Variants in STX8 observed in about 807,000 individuals in gnomAD.
STX8 encodes the protein syntaxin 8, also known as syntaxin-8.
In STX8, 23 loss-of-function variants were observed where a neutral mutation model predicts 37.5. The observed-to-expected ratio is 0.61, with a 90% confidence interval of 0.44 to 0.87. The LOEUF is 0.87. STX8 is among the 40% of genes least tolerant of loss of function. STX8 has a pLI of 0.00. For synonymous variants in STX8, 115 were observed against 99.1 expected (o/e 1.16, Z -0.95); for missense variants, 313 against 284.7 (o/e 1.10, Z -0.71).
intron 6 of STX8, among the ~76,000 whole-genome samples, chr17:9,450,563 T>G (rs1273571336): frequency 6.6e-6 from 1 of 151,970 alleles, no homozygotes; most frequent in Non-Finnish European, 1.5e-5. Context: ...GCCTCCCTAG[T>G]AGCTGCGAAG....
At chr17:9,444,563 G>C (rs1218916828) in intron 6 of STX8, among the ~76,000 whole-genome samples, 1 of 152,170 alleles carries the variant, frequency 6.6e-6, no homozygotes, top group African/African-American at 2.4e-5. Context: ...CTTGAGCTTG[G>C]AGAAGTCAGC....
At chr17:9,402,889 G>A (rs892861272) in intron 6 of STX8, among the ~76,000 whole-genome samples, 2 of 152,154 alleles carry the variant, frequency 1.3e-5, no homozygotes, top group Admixed American at 6.5e-5. Flanking sequence ...CAGTGACTAT[G>A]GATACGGAGA....
chr17:9,430,050 ATTCTATATAATAT>A (rs1913884345), intron 6 of STX8, among the ~76,000 whole-genome samples: 1 of 50,030 alleles, frequency 2.0e-5, no homozygotes, highest in Admixed American at 3.6e-4. Context: ...GAATATATAT[ATTCTATATAATAT>A]ATATATTCTA....
intron 5 of STX8, among the ~76,000 whole-genome samples, chr17:9,494,229 A>G (rs927468684): frequency 2.6e-5 from 4 of 151,552 alleles, no homozygotes; most frequent in African/African-American, 9.7e-5. Context: ...GTTAGCCAGG[A>G]TGGTCTCGAG....
At chr17:9,362,097 G>A (rs905981941) in intron 7 of STX8, among the ~76,000 whole-genome samples, 1 of 152,184 alleles carries the variant, frequency 6.6e-6, no homozygotes, top group African/African-American at 2.4e-5. Context: ...TTGGGAGGCT[G>A]AAGTGGGCAG....
intron 5 of STX8, among the ~76,000 whole-genome samples, chr17:9,500,691 A>T (rs945920642): frequency 3.3e-5 from 5 of 152,224 alleles, no homozygotes; most frequent in African/African-American, 1.2e-4. Context: ...TTGATATTTT[A>T]AAAATGCTAC....
At chr17:9,289,697 A>G (rs1241747877) in intron 7 of STX8, among the ~76,000 whole-genome samples, 4 of 151,808 alleles carry the variant, frequency 2.6e-5, no homozygotes, top group African/African-American at 7.3e-5. Context: ...GGAGAATGGC[A>G]TGAACCCGGG....
chr17:9,437,104 C>G (rs1904459879), intron 6 of STX8, among the ~76,000 whole-genome samples: 1 of 152,214 alleles, frequency 6.6e-6, no homozygotes, highest in African/African-American at 2.4e-5. Flanking sequence ...ACTATAAGCA[C>G]TCACTGAATT....
At chr17:9,456,265 G>T (rs77792754) in intron 6 of STX8, among the ~76,000 whole-genome samples, 2,212 of 152,246 alleles carry the variant, frequency 0.015, 48 homozygotes, top group African/African-American at 0.05. Flanking sequence ...GTGTATTTGG[G>T]GGGTGGCAGA....
chr17:9,365,310 A>G (rs542405483), intron 7 of STX8, among the ~76,000 whole-genome samples: 1 of 152,382 alleles, frequency 6.6e-6, no homozygotes, highest in South Asian at 2.1e-4. Flanking sequence ...TCTGCCGTTG[A>G]CGGCTCTAGT....
chr17:9,482,249 A>ATT (rs148086656), intron 6 of STX8, among the ~76,000 whole-genome samples: 2 of 150,052 alleles, frequency 1.3e-5, no homozygotes, highest in African/African-American at 4.9e-5. Context: ...CACCTACAGA[A>ATT]TTTTTTTTTT....
chr17:9,499,553 G>A (rs1366101685), intron 5 of STX8, among the ~76,000 whole-genome samples: 4 of 151,978 alleles, frequency 2.6e-5, no homozygotes, highest in Non-Finnish European at 5.9e-5. Flanking sequence ...CGCCCGCCAC[G>A]GACGCCCAGC....
intron 7 of STX8, among the ~76,000 whole-genome samples, chr17:9,336,406 C>CCTTTCCTTCCCCTT (rs1273516848): frequency 6.6e-6 from 1 of 151,474 alleles, no homozygotes; most frequent in Non-Finnish European, 1.5e-5. Context: ...TCCCCTTCCT[C>CCTTTCCTTCCCCTT]CCTTCCTTCC....
chr17:9,316,611 T>C (rs1909389849), intron 7 of STX8, among the ~76,000 whole-genome samples: 1 of 152,188 alleles, frequency 6.6e-6, no homozygotes, highest in Non-Finnish European at 1.5e-5. Flanking sequence ...TACCCATACC[T>C]TACCCTGTGC....
At chr17:9,306,149 GC>G (rs1908976722) in intron 7 of STX8, among the ~76,000 whole-genome samples, 1 of 152,020 alleles carries the variant, frequency 6.6e-6, no homozygotes, top group Admixed American at 6.6e-5. Context: ...ACAATATTCT[GC>G]ATAGTAATAC....
intron 6 of STX8, among the ~76,000 whole-genome samples, chr17:9,442,440 C>T (rs1430395394): frequency 6.6e-6 from 1 of 152,186 alleles, no homozygotes; most frequent in Non-Finnish European, 1.5e-5. Flanking sequence ...CTCTGTCACC[C>T]AGGCTGGAGT....
intron 1 of STX8, 44 bp downstream of exon 1, chr17:9,575,748 C>A: frequency 6.5e-7 from 1 of 1,545,734 alleles, no homozygotes; most frequent in Non-Finnish European, 8.7e-7. Flanking sequence ...GCCCGGCCTC[C>A]CCGAAGGTCC....
chr17:9,545,879 GC>G (rs1906487730), intron 3 of STX8, among the ~76,000 whole-genome samples: 1 of 152,188 alleles, frequency 6.6e-6, no homozygotes, highest in Non-Finnish European at 1.5e-5. Flanking sequence ...ACCACGCCCA[GC>G]CCCAGTGACC....
intron 6 of STX8, among the ~76,000 whole-genome samples, chr17:9,451,642 TCTC>T (rs1011339970): frequency 1.3e-5 from 2 of 151,934 alleles, no homozygotes; most frequent in Non-Finnish European, 2.9e-5. Flanking sequence ...ATCTCTAAGT[TCTC>T]CTTTCAATAA....
Sources: allele counts gnomAD v4.1 joint callset (sites outside exome capture counted in the v4.1 genomes callset), GRCh38; gene constraint gnomAD v4.1.1; transcripts MANE v1.5; gene names NCBI Gene and HGNC (gene_info 2026-07-23, HGNC 2026-07-21).